The following CCNB2 variants were observed in gnomAD, a reference collection of about 807,000 sequenced individuals.
The protein encoded by CCNB2 is G2/mitotic-specific cyclin-B2.
In CCNB2, 39 loss-of-function variants were observed where a neutral mutation model predicts 51.1. The observed-to-expected ratio is 0.76, with a 90% CI of 0.59 to 1.00. CCNB2 has a LOEUF of 1.00. Ranked by LOEUF, CCNB2 falls within the 50% of genes least tolerant of loss-of-function variation. The pLI is 0.00. For synonymous variants in CCNB2, 174 were observed against 165.5 expected (o/e 1.05, Z -0.40); for missense variants, 472 against 470.3 (o/e 1.00, Z -0.03).
At position 59,107,823 on chromosome 15, in the gene CCNB2, C is replaced by G; in HGVS notation, c.267+153C>G. On this transcript the variant is annotated intron_variant, in intron 3 of 8. Coordinates refer to ENST00000288207, the MANE Select transcript of CCNB2 (RefSeq NM_004701.4). Reference sequence around the variant, plus strand: ...TAGTGTAGGAAATGAGTATATACACCTTTTAACTTAATAACATTATGACCT... The same window carrying G: ...TAGTGTAGGAAATGAGTATATACACGTTTTAACTTAATAACATTATGACCT... 1.3e-5 allele frequency among the ~76,000 whole-genome samples: 2 copies of G among 152,082 alleles called. 1 individual carries two copies. The highest frequency in any genetic ancestry group is 2.9e-5 in the Non-Finnish European group (2 of 68,008).
intron 3 of CCNB2, among the ~76,000 whole-genome samples, 188 bp from the exon 4 acceptor site, chr15:59,114,256 T>G (rs945323472): frequency 6.6e-6 from 1 of 152,208 alleles, no homozygotes; most frequent in African/African-American, 2.4e-5. Flanking sequence ...TTAGAGAGTT[T>G]TAAACAGAGA....
In CCNB2 at chr15:59,107,607, C is replaced by T. The variant is rs1205684824; in HGVS notation, c.204C>T (p.Val68=). 1 of 1,614,172 alleles carries T rather than the reference C, an allele frequency of 6.2e-7. No individual in the cohort carries two copies. Among genetic ancestry groups the T allele is most frequent in the South Asian group, 1.1e-5 (1 of 91,082 alleles). The change falls in exon 3 of 9, where the codon GTC becomes GTT. Residue 68 remains valine (V), a synonymous_variant. Coordinates refer to ENST00000288207, the MANE Select transcript of CCNB2 (RefSeq NM_004701.4). ...VPVQPTKTTN[V]NKQLKPTASV... is the part of the protein sequence containing the mutation. ...TTCAACCCACCAAAACAACAAATGT[C>T]AACAAACAACTGAAACCTACTGCTT...
At chr15:59,106,530 T>A (rs559665535) in intron 1 of CCNB2, among the ~76,000 whole-genome samples, 1 of 152,332 alleles carries the variant, frequency 6.6e-6, no homozygotes, top group African/African-American at 2.4e-5. Flanking sequence ...TTTAATGAAA[T>A]GTTTATCACT....
At chr15:59,119,460 C>CAAAAAAAAAAAAAAAAAAAAAA in intron 7 of CCNB2, among the ~76,000 whole-genome samples, 1 of 83,932 alleles carries the variant, frequency 1.2e-5, no homozygotes, top group Non-Finnish European at 2.4e-5. Flanking sequence ...ACCCTGTCTC[C>CAAAAAAAAAAAAAAAAAAAAAA]AAAAAAAAAA....
Position 59,123,688 on chromosome 15 carries a change from TTG to T in CCNB2, c.1086+62_1086+63del, listed in dbSNP as rs200646595. ...TTAGGTTCTGGGTTTTGTGTGTATG[TTG>T]GGCGGGGGGGGGCGGTGTGTGCCGT... On this transcript the variant is annotated intron_variant, in intron 8 of 8. Coordinates refer to ENST00000288207, the MANE Select transcript of CCNB2 (RefSeq NM_004701.4). The T allele has an allele frequency of 2.0e-5, 15 of 750,792 alleles. 1 individual carries two copies. The African/African-American group carries it at 3.8e-4, about 19-fold the overall frequency. The allele number at this position is 750,792 out of a possible 1,614,324, so 46.5% of individuals were successfully genotyped here. A position where few individuals can be genotyped will look rare whatever the true frequency, so the allele number is the denominator to read the frequency against.
chr15:59,114,511 C>T lies in CCNB2; in HGVS notation c.335C>T (p.Ala112Val). The T allele has an allele frequency of 1.2e-6, 2 of 1,613,916 alleles. No homozygotes were observed. The highest frequency in any genetic ancestry group is 1.3e-5 in the African/African-American group (1 of 75,038). Residue 112 changes from alanine (A) to valine (V), a missense_variant, in exon 4 of 9, where the codon GCC (alanine) becomes GTC (valine). Coordinates refer to ENST00000288207, the MANE Select transcript of CCNB2 (RefSeq NM_004701.4). ...AATCTCTGCCAAGCTTTTTCTGATG[C>T]CTTGCTCTGCAAAATCGAGGACATT... is the stretch of plus-strand genomic sequence containing the variant. Reference protein sequence around the residue: ...EENLCQAFSDALLCKIEDIDN... With the variant: ...EENLCQAFSDVLLCKIEDIDN...
chr15:59,123,688 T>G, intron 8 of CCNB2, 61 bp downstream of exon 8: 6 of 750,438 alleles, frequency 8.0e-6, no homozygotes, highest in East Asian at 6.5e-5. Flanking sequence ...TGTGTGTATG[T>G]TGGGCGGGGG....
intron 7 of CCNB2, among the ~76,000 whole-genome samples, chr15:59,120,230 A>C (rs2079296590): frequency 1.3e-5 from 2 of 152,188 alleles, no homozygotes; most frequent in Admixed American, 1.3e-4. Flanking sequence ...TGTTTAGTGA[A>C]ATTGCTGATT....
At chr15:59,116,356 A>T (rs1172096721) in intron 5 of CCNB2, among the ~76,000 whole-genome samples, 1 of 152,250 alleles carries the variant, frequency 6.6e-6, no homozygotes, top group Admixed American at 6.5e-5. Flanking sequence ...TCAGGCTTGG[A>T]TTCTTCCCTT....
intron 7 of CCNB2, among the ~76,000 whole-genome samples, chr15:59,120,599 AATAAAAG>A (rs2079298214): frequency 6.6e-6 from 1 of 152,210 alleles, no homozygotes; most frequent in Non-Finnish European, 1.5e-5. Flanking sequence ...TGACATAAAA[AATAAAAG>A]AGGGGTTCAT....
At position 59,123,567 on chromosome 15, in the gene CCNB2, A is replaced by G. The variant is rs2079312273; in HGVS notation, c.1026A>G (p.Glu342=). The G allele has an allele frequency of 6.2e-7, 1 of 1,613,530 alleles. No individual in the cohort carries two copies. The highest frequency in any genetic ancestry group is 1.7e-5 in the Admixed American group (1 of 59,982). ...YTGYTENEVL[E]VMQHMAKNVV... ...GATACACAGAGAATGAAGTATTGGAAGTCATGCAGCACATGGCCAAGAATG... is the reference window on the plus strand; with the variant it reads ...GATACACAGAGAATGAAGTATTGGAGGTCATGCAGCACATGGCCAAGAATG... The change falls in exon 8 of 9, where the codon GAA becomes GAG. Residue 342 remains glutamate (E), a synonymous_variant. Coordinates refer to ENST00000288207, the MANE Select transcript of CCNB2 (RefSeq NM_004701.4).
chr15:59,116,538 C>A (rs2079279435), intron 5 of CCNB2, 152 bp from the exon 6 acceptor site: 6 of 343,086 alleles, frequency 1.7e-5, no homozygotes, highest in African/African-American at 1.3e-4. Context: ...AGATAGCTGT[C>A]ATGATCAGTG....
chr15:59,122,795 G>C (rs563559436), intron 7 of CCNB2, among the ~76,000 whole-genome samples: 37 of 150,708 alleles, frequency 2.5e-4, no homozygotes, highest in Non-Finnish European at 3.7e-4. Context: ...CTTGGCCTCC[G>C]AAAGTGCTGG....
At chr15:59,121,763 C>G (rs560054200) in intron 7 of CCNB2, among the ~76,000 whole-genome samples, 39 of 151,936 alleles carry the variant, frequency 2.6e-4, no homozygotes, top group African/African-American at 8.4e-4. Context: ...AAAACTCTGT[C>G]TCTATTAAAA....
rs2079230212 is a variant in CCNB2 at position 59,105,191 on chromosome 15, C to G, written c.-78C>G. ...GCTCGGAGAGCAGTCCTAACGGCGCCTCGTACGCTAGTGTCCTCCCTTTTC... is the reference window on the plus strand; with the variant it reads ...GCTCGGAGAGCAGTCCTAACGGCGCGTCGTACGCTAGTGTCCTCCCTTTTC... On this transcript the variant is annotated 5_prime_UTR_variant, in exon 1 of 9. Coordinates refer to ENST00000288207, the MANE Select transcript of CCNB2 (RefSeq NM_004701.4). 1 of 1,408,110 alleles carries G rather than the reference C, an allele frequency of 7.1e-7. No homozygotes were observed. Among genetic ancestry groups the G allele is most frequent in the Non-Finnish European group, 9.8e-7 (1 of 1,024,952 alleles). The allele number at this position is 1,408,110 out of a possible 1,614,324, so 87.2% of individuals were successfully genotyped here.
chr15:59,114,902 G>A (rs773493445), intron 5 of CCNB2, 26 bp downstream of exon 5: 33 of 1,591,896 alleles, frequency 2.1e-5, no homozygotes, highest in African/African-American at 5.4e-5. Context: ...GGGACTTCAC[G>A]CCAGTGGCTC....
chr15:59,124,783 A>G lies in CCNB2; in HGVS notation c.1103A>G (p.Tyr368Cys). ...CTTCTGCAGGCCATCAAGAATAAGTATGCAAGCAGCAAACTCCTGAAGATC... is the reference window on the plus strand; with the variant it reads ...CTTCTGCAGGCCATCAAGAATAAGTGTGCAAGCAGCAAACTCCTGAAGATC... The part of the protein sequence containing the change: ...LTKFIAIKNK[Y>C]ASSKLLKISM... Residue 368 changes from tyrosine to cysteine, a missense_variant, in exon 9 of 9, where the codon TAT becomes TGT. Physicochemically the swap from Tyr to Cys is radical, Grantham distance 194 (BLOSUM62 -2). Transcript: ENST00000288207. 4 of 1,613,728 alleles carry G rather than the reference A, an allele frequency of 2.5e-6. No homozygotes were observed. Among genetic ancestry groups the G allele is most frequent in the Non-Finnish European group, 3.4e-6 (4 of 1,179,684 alleles).
At chr15:59,122,192 C>T (rs1223929398) in intron 7 of CCNB2, among the ~76,000 whole-genome samples, 1 of 145,182 alleles carries the variant, frequency 6.9e-6, no homozygotes, top group Non-Finnish European at 1.5e-5. Context: ...CGTACTTTCG[C>T]TTTTAGAATT....
At chr15:59,114,659 TA>T in intron 4 of CCNB2, 45 bp downstream of exon 4, 1 of 1,587,480 alleles carries the variant, frequency 6.3e-7, no homozygotes, top group Non-Finnish European at 8.6e-7. Context: ...ATGTGGAATT[TA>T]CCACACAGCT....
Sources: allele counts gnomAD v4.1 joint callset (sites outside exome capture counted in the v4.1 genomes callset), GRCh38; gene constraint gnomAD v4.1.1; transcripts MANE v1.5; gene names NCBI Gene and HGNC (gene_info 2026-07-23, HGNC 2026-07-21).